Variants in CRYBG3 observed in about 807,000 individuals in gnomAD.
The protein encoded by CRYBG3 is very large A-kinase anchor protein.
Under a neutral mutation model 244.2 loss-of-function variants are expected in CRYBG3, and 127 were observed. The ratio of observed to expected loss-of-function variants is 0.52; its 90% CI spans 0.45 to 0.60. The LOEUF (loss-of-function observed/expected upper bound fraction) is 0.60, where lower values mean the gene tolerates loss of function less well. CRYBG3 is among the 20% of genes least tolerant of loss of function. The probability of loss-of-function intolerance (pLI) is 0.00; values close to 1 mark genes in which losing one functional copy is unlikely to be tolerated. For synonymous variants in CRYBG3, 1,132 were observed against 1,195.8 expected (o/e 0.95, Z 1.10); for missense variants, 3,325 against 3,442.5 (o/e 0.97, Z 0.85).
intron 1 of CRYBG3, among the ~76,000 whole-genome samples, chr3:97,837,338 AG>A (rs546200905): frequency 5.3e-5 from 8 of 152,078 alleles, no homozygotes; most frequent in Admixed American, 4.6e-4. Flanking sequence ...CATGCCAGGA[AG>A]GAAAGGCCTA....
chr3:97,884,609 T>A (rs1260781509), intron 7 of CRYBG3, among the ~76,000 whole-genome samples: 1 of 152,154 alleles, frequency 6.6e-6, no homozygotes, highest in Non-Finnish European at 1.5e-5. Flanking sequence ...TAAATTGTTT[T>A]TTGTTTCTAG....
chr3:97,822,028 C>G lies in CRYBG3; in HGVS notation c.-179C>G. 1 of 441,664 alleles carries G rather than the reference C, an allele frequency of 2.3e-6. No homozygotes were observed. Among genetic ancestry groups the G allele is most frequent in the Non-Finnish European group, 3.8e-6 (1 of 264,368 alleles). 27.4% of individuals were successfully genotyped at this position (441,664 alleles called of 1,614,324 possible). A position where few individuals can be genotyped will look rare whatever the true frequency, so the allele number is the denominator to read the frequency against. On this transcript the variant is annotated 5_prime_UTR_variant, in exon 1 of 22. Transcript: ENST00000389622. ...GCCGCAGCGGCGTGAGGAGCTGCCG[C>G]GCGAGGAGCGCGTCGCGTCCGCACT...
intron 6 of CRYBG3, among the ~76,000 whole-genome samples, chr3:97,880,453 T>A (rs118165857): frequency 2.0e-5 from 3 of 152,228 alleles, no homozygotes; most frequent in Non-Finnish European, 4.4e-5. Flanking sequence ...ATTTGTGGGA[T>A]GCTGAGGAAT....
At chr3:97,895,589 A>G (rs977309527) in intron 11 of CRYBG3, among the ~76,000 whole-genome samples, 2 of 152,340 alleles carry the variant, frequency 1.3e-5, no homozygotes, top group South Asian at 2.1e-4. Context: ...AAAAATGACT[A>G]TCTTTGGATC....
chr3:97,912,072 A>T (rs751699661), intron 15 of CRYBG3, 95 bp from the exon 16 acceptor site: 32 of 552,004 alleles, frequency 5.8e-5, no homozygotes, highest in Non-Finnish European at 8.8e-5. Context: ...ATTTTGCTGC[A>T]TTTTATAAAT....
At chr3:97,826,946 C>T (rs1260790308) in intron 1 of CRYBG3, among the ~76,000 whole-genome samples, 1 of 152,194 alleles carries the variant, frequency 6.6e-6, no homozygotes, top group East Asian at 1.9e-4. Context: ...ACTGGGCTTT[C>T]AAAATATGTT....
At position 97,877,083 on chromosome 3, in the gene CRYBG3, A is replaced by C. The variant is rs773277784; in HGVS notation, c.5889A>C (p.Lys1963Asn). The change falls in exon 4 of 22, where the codon AAA becomes AAC. Residue 1963 changes from lysine to asparagine, a missense_variant. By Grantham distance (94) the Lys-to-Asn change is moderately conservative. Coordinates refer to ENST00000389622, the MANE Select transcript of CRYBG3 (RefSeq NM_153605.4). Reference protein sequence around the residue: ...QPGDTTVRLDKRMSLTAIYDK... With the variant: ...QPGDTTVRLDNRMSLTAIYDK... ...GGGATACCACAGTAAGACTAGACAA[A>C]AGAATGTCTCTTACTGCAATATATG... 4.8e-5 allele frequency: 78 copies of C among 1,611,364 alleles called. No homozygotes were observed. The highest frequency in any genetic ancestry group is 4.8e-5 in the Non-Finnish European group (56 of 1,178,568).
At chr3:97,926,674 T>C (rs890737773) in intron 17 of CRYBG3, among the ~76,000 whole-genome samples, 1 of 152,028 alleles carries the variant, frequency 6.6e-6, no homozygotes, top group Admixed American at 6.6e-5. Flanking sequence ...GAGAACCCCA[T>C]AGTCTCTGCC....
intron 2 of CRYBG3, among the ~76,000 whole-genome samples, chr3:97,858,604 A>G (rs1015787278): frequency 6.6e-6 from 1 of 151,886 alleles, no homozygotes; most frequent in African/African-American, 2.4e-5. Context: ...TCTATTATTG[A>G]TACTTTCCAT....
In CRYBG3 at chr3:97,823,587, T is replaced by A. The variant is rs546984470; in HGVS notation, c.149+1232T>A. On this transcript the variant is annotated intron_variant, in intron 1 of 21. Coordinates refer to ENST00000389622, the MANE Select transcript of CRYBG3 (RefSeq NM_153605.4). ...TGCTCTGACTGTTGAGAGTTTAAAA[T>A]TCAAAGTTACACAGAAGTTAAAAAT... Among the ~76,000 whole-genome samples the A allele has an allele frequency of 3.0e-4, 46 of 152,318 alleles. No homozygotes were observed. The South Asian group carries it at 9.5e-3, about 32-fold the overall frequency.
Position 97,873,505 on chromosome 3 carries a change from G to A in CRYBG3, c.2311G>A (p.Asp771Asn), listed in dbSNP as rs1416936372. The A allele has an allele frequency of 6.5e-7, 1 of 1,535,952 alleles. No homozygotes were observed. Among genetic ancestry groups the A allele is most frequent in the Non-Finnish European group, 8.7e-7 (1 of 1,146,810 alleles). Reference protein sequence around the residue: ...LSFDSGNLSKDCSSILSQDPN... With the variant: ...LSFDSGNLSKNCSSILSQDPN... Reference sequence around the variant, plus strand: ...CTTTGACTCTGGAAACCTCTCTAAGGATTGCAGTTCCATTTTATCTCAAGA... The same window carrying A: ...CTTTGACTCTGGAAACCTCTCTAAGAATTGCAGTTCCATTTTATCTCAAGA... The change falls in exon 4 of 22, where the codon GAT becomes AAT. Residue 771 changes from aspartate (D) to asparagine (N), a missense_variant. Physicochemically the swap from Asp to Asn is conservative, Grantham distance 23. Coordinates refer to ENST00000389622, the MANE Select transcript of CRYBG3 (RefSeq NM_153605.4).
At chr3:97,925,808 T>C (rs699301) in intron 17 of CRYBG3, among the ~76,000 whole-genome samples, 143,441 of 152,110 alleles carry the variant, frequency 0.94, 67,748 homozygotes, top group East Asian at 1. Flanking sequence ...GTTTTAGGTA[T>C]ATGGTCATCT....
chr3:97,839,143 C>T (rs1279714546), intron 1 of CRYBG3, among the ~76,000 whole-genome samples: 2 of 152,056 alleles, frequency 1.3e-5, no homozygotes, highest in Non-Finnish European at 2.9e-5. Flanking sequence ...AAAAATATTC[C>T]TAATTGAAAT....
Position 97,872,792 on chromosome 3 carries a change from G to A in CRYBG3, c.1598G>A (p.Ser533Asn), listed in dbSNP as rs763741604. Reference protein sequence around the residue: ...AVREIRRETESASAGESIASS... With the variant: ...AVREIRRETENASAGESIASS... ...AGAGAAATCAGGCGAGAAACAGAAA[G>A]TGCCTCAGCTGGTGAATCCATAGCT... The change falls in exon 4 of 22, where the codon AGT becomes AAT. Residue 533 changes from serine (S) to asparagine (N), a missense_variant. Transcript: ENST00000389622. 3 of 1,535,952 alleles carry A rather than the reference G, an allele frequency of 2.0e-6. No homozygotes were observed. In the South Asian group the frequency reaches 3.6e-5, roughly 18 times the overall value.
intron 16 of CRYBG3, among the ~76,000 whole-genome samples, chr3:97,914,166 T>C (rs553785192): frequency 2.6e-5 from 4 of 152,278 alleles, no homozygotes; most frequent in Admixed American, 2.6e-4. Context: ...TGTTTTTGTT[T>C]ATATACTTAC....
chr3:97,910,355 C>A (rs62264219), intron 15 of CRYBG3, among the ~76,000 whole-genome samples: 36,677 of 152,138 alleles, frequency 0.24, 4,754 homozygotes, highest in Middle Eastern at 0.33. Flanking sequence ...GCCTGGCTGC[C>A]GCCTTGCAGT....
chr3:97,931,698 C>A (rs900187689), intron 17 of CRYBG3, among the ~76,000 whole-genome samples: 28 of 152,068 alleles, frequency 1.8e-4, no homozygotes, highest in African/African-American at 6.8e-4. Context: ...ACCAGCATGT[C>A]CCAAGCCATG....
intron 17 of CRYBG3, among the ~76,000 whole-genome samples, chr3:97,927,239 G>A (rs1480597956): frequency 6.6e-6 from 1 of 151,846 alleles, no homozygotes; most frequent in African/African-American, 2.4e-5. Flanking sequence ...AATGGAAAAG[G>A]TTAGAGAACT....
intron 18 of CRYBG3, among the ~76,000 whole-genome samples, chr3:97,935,608 T>C (rs1357975701): frequency 1.3e-5 from 2 of 152,096 alleles, no homozygotes; most frequent in African/African-American, 4.8e-5. Flanking sequence ...TGGTATCTTT[T>C]CCTGCATTAC....
Sources: gnomAD v4.1 joint callset for allele counts (sites outside exome capture counted in the v4.1 genomes callset) on GRCh38, gnomAD v4.1.1 for gene constraint, MANE v1.5 for transcripts, NCBI Gene and HGNC (gene_info 2026-07-23, HGNC 2026-07-21) for gene names.